Variants in DGKB observed in about 807,000 individuals in gnomAD.
The protein encoded by DGKB is 90 kDa diacylglycerol kinase.
DGKB carries 67 observed loss-of-function variants against 114.3 expected under a neutral mutation model. That is an observed-to-expected ratio of 0.59 (90% CI 0.48 to 0.72). The LOEUF (loss-of-function observed/expected upper bound fraction) is 0.72, where lower values mean the gene tolerates loss of function less well. DGKB is among the 30% of genes least tolerant of loss of function. The pLI is 0.00. For missense variants in DGKB, 907 were observed against 975.2 expected (o/e 0.93, Z 0.93); for synonymous variants, 398 against 323.1 (o/e 1.23, Z -2.49).
chr7:14,254,103 G>T (rs7781218), intron 23 of DGKB, among the ~76,000 whole-genome samples: 4,102 of 152,132 alleles, frequency 0.027, 191 homozygotes, highest in African/African-American at 0.093. Flanking sequence ...AAGTAGGAGG[G>T]GACTATATTC....
chr7:14,174,944 C>A (rs1022872790), intron 25 of DGKB, among the ~76,000 whole-genome samples: 1 of 152,194 alleles, frequency 6.6e-6, no homozygotes, highest in Non-Finnish European at 1.5e-5. Flanking sequence ...AGTGTTCAGG[C>A]AGCTAAAGGA....
intron 23 of DGKB, among the ~76,000 whole-genome samples, chr7:14,259,112 TATAGAGA>T (rs1240872257): frequency 6.6e-6 from 1 of 152,154 alleles, no homozygotes; most frequent in Non-Finnish European, 1.5e-5. Flanking sequence ...TCTCTCCTAG[TATAGAGA>T]ACAGATTCAC....
chr7:14,894,969 C>T (rs907690616), intron 1 of DGKB, among the ~76,000 whole-genome samples: 3 of 151,378 alleles, frequency 2.0e-5, no homozygotes, highest in Non-Finnish European at 4.4e-5. Context: ...AATAGAGCAC[C>T]CCTCCTAGTG....
At chr7:14,595,370 C>G (rs1802398788) in intron 17 of DGKB, among the ~76,000 whole-genome samples, 1 of 151,884 alleles carries the variant, frequency 6.6e-6, no homozygotes, top group South Asian at 2.1e-4. Flanking sequence ...AGGGAGAAAA[C>G]TAGTTTAGTA....
At chr7:14,495,407 C>T (rs1361704155) in intron 20 of DGKB, among the ~76,000 whole-genome samples, 1 of 151,646 alleles carries the variant, frequency 6.6e-6, no homozygotes, top group Admixed American at 6.6e-5. Flanking sequence ...TGTTATTACA[C>T]AAAATTGTAA....
At chr7:14,686,714 C>T (rs1821751709) in intron 9 of DGKB, among the ~76,000 whole-genome samples, 1 of 152,054 alleles carries the variant, frequency 6.6e-6, no homozygotes, top group Non-Finnish European at 1.5e-5. Flanking sequence ...GTAACTAATT[C>T]TTACATTAGA....
chr7:14,621,196 T>C lies in DGKB; in HGVS notation c.1284+182A>G, dbSNP rs377244452. 213 of 503,334 alleles carry C rather than the reference T, an allele frequency of 4.2e-4. No homozygotes were observed. The East Asian group carries it at 6.6e-3, about 16-fold the overall frequency. The allele number at this position is 503,334 out of a possible 1,614,324, so 31.2% of individuals were successfully genotyped here. On this transcript the variant is annotated intron_variant, in intron 15 of 25. Transcript: ENST00000402815. ...TCATAAATGATTAATTTAACCAGAA[T>C]GTTACTCTGTCAATCAACCGTAAGA...
chr7:14,457,590 A>C (rs1003071252), intron 21 of DGKB, among the ~76,000 whole-genome samples: 8 of 152,230 alleles, frequency 5.3e-5, no homozygotes, highest in Admixed American at 3.3e-4. Context: ...GCATTTATTT[A>C]ATTTCCAATG....
At chr7:14,334,385 TGTGTGTGTGTGCGC>T (rs1437543264) in intron 23 of DGKB, among the ~76,000 whole-genome samples, 8 of 83,504 alleles carry the variant, frequency 9.6e-5, no homozygotes, top group African/African-American at 2.7e-4. Context: ...TGTGTGTGTG[TGTGTGTGTGTGCGC>T]GCGCGTGTAT....
At chr7:14,635,794 C>T (rs1810639283) in intron 13 of DGKB, among the ~76,000 whole-genome samples, 1 of 151,422 alleles carries the variant, frequency 6.6e-6, no homozygotes, top group African/African-American at 2.4e-5. Context: ...TAGACTGATA[C>T]ATACAAATTT....
At chr7:14,863,142 T>A (rs569976626) in intron 1 of DGKB, among the ~76,000 whole-genome samples, 1 of 151,718 alleles carries the variant, frequency 6.6e-6, no homozygotes, top group Non-Finnish European at 1.5e-5. Flanking sequence ...ACCATTTAAA[T>A]TGTATCCCCT....
intron 7 of DGKB, among the ~76,000 whole-genome samples, chr7:14,698,815 C>T (rs1279282070): frequency 6.6e-6 from 1 of 151,978 alleles, no homozygotes; most frequent in Non-Finnish European, 1.5e-5. Flanking sequence ...ATTTTCCTGC[C>T]TATTTATCTA....
At chr7:14,788,152 G>A (rs942140537) in intron 2 of DGKB, among the ~76,000 whole-genome samples, 5 of 152,194 alleles carry the variant, frequency 3.3e-5, no homozygotes, top group African/African-American at 9.7e-5. Context: ...ATTGAAGGAT[G>A]GGCACAAATA....
At chr7:14,182,790 A>C (rs1218945891) in intron 23 of DGKB, among the ~76,000 whole-genome samples, 1 of 152,208 alleles carries the variant, frequency 6.6e-6, no homozygotes, top group Admixed American at 6.5e-5. Flanking sequence ...CCCTGATAAT[A>C]TGTCTCATTA....
chr7:14,762,576 T>C (rs1835866763), intron 2 of DGKB, among the ~76,000 whole-genome samples: 1 of 152,152 alleles, frequency 6.6e-6, no homozygotes, highest in Non-Finnish European at 1.5e-5. Context: ...TAAAAAGTAC[T>C]ACATGAAAAA....
chr7:14,321,524 A>G (rs923261642), intron 23 of DGKB, among the ~76,000 whole-genome samples: 20 of 151,898 alleles, frequency 1.3e-4, no homozygotes, highest in Admixed American at 8.5e-4. Flanking sequence ...ACAGCCTCCA[A>G]TATCAAGAAC....
intron 6 of DGKB, among the ~76,000 whole-genome samples, chr7:14,714,801 A>T (rs1283703937): frequency 6.6e-6 from 1 of 152,198 alleles, no homozygotes; most frequent in Non-Finnish European, 1.5e-5. Flanking sequence ...TCTGAAATTA[A>T]GTGTGAAAAA....
chr7:14,842,563 G>T (rs968723537), intron 1 of DGKB, among the ~76,000 whole-genome samples: 1 of 152,114 alleles, frequency 6.6e-6, no homozygotes, highest in African/African-American at 2.4e-5. Context: ...AAAGAGAATG[G>T]GAATATGCAA....
intron 21 of DGKB, among the ~76,000 whole-genome samples, chr7:14,407,125 A>G (rs1057000612): frequency 6.6e-6 from 1 of 152,056 alleles, no homozygotes; most frequent in African/African-American, 2.4e-5. Context: ...GAGGGCAATG[A>G]GGCATTCTAG....
Sources: allele counts gnomAD v4.1 joint callset (sites outside exome capture counted in the v4.1 genomes callset), GRCh38; gene constraint gnomAD v4.1.1; transcripts MANE v1.5; gene names NCBI Gene and HGNC (gene_info 2026-07-23, HGNC 2026-07-21).